The following LEMD3 variants were observed in gnomAD, a reference collection of about 807,000 sequenced individuals.
LEMD3 encodes the protein inner nuclear membrane protein Man1.
A neutral mutation model predicts 95.2 loss-of-function variants in LEMD3; 33 were observed. That is an observed-to-expected ratio of 0.35 (90% CI 0.26 to 0.46). LEMD3 has a LOEUF of 0.46. Ranked by LOEUF, LEMD3 falls within the 20% of genes least tolerant of loss-of-function variation. The pLI is 1.00. For synonymous variants in LEMD3, 525 were observed against 474.6 expected (o/e 1.11, Z -1.38); for missense variants, 1,210 against 1,192.8 (o/e 1.01, Z -0.21).
rs750409065 is a variant in LEMD3, at chr12:65,170,289, C to T, written c.693C>T (p.Asp231=). The T allele has an allele frequency of 3.2e-6, 5 of 1,575,708 alleles. No individual in the cohort carries two copies. Among genetic ancestry groups the T allele is most frequent in the South Asian group, 1.2e-5 (1 of 86,508 alleles). The change falls in exon 1 of 13, where the codon GAC becomes GAT. Residue 231 remains aspartate, a synonymous_variant. Coordinates refer to ENST00000308330, the MANE Select transcript of LEMD3 (RefSeq NM_014319.5). ...AGGGAGAGGACGGTGAGGAGAGGGA[C>T]CCGGAGACCGAGGAGCCGCTCTGGG... The part of the protein sequence containing the change: ...EGEGEDGEER[D]PETEEPLWAS...
chr12:65,172,440 G>A (rs942077876), intron 1 of LEMD3, among the ~76,000 whole-genome samples: 2 of 152,136 alleles, frequency 1.3e-5, no homozygotes, highest in African/African-American at 4.8e-5. Context: ...TCAAAATAAT[G>A]TAAGCTTAGA....
At chr12:65,172,730 C>CTT (rs201891713) in intron 1 of LEMD3, among the ~76,000 whole-genome samples, 22 of 139,324 alleles carry the variant, frequency 1.6e-4, no homozygotes, top group South Asian at 4.6e-4. Context: ...TTTTTCTTTT[C>CTT]TTTTTTTTTT....
rs61923519 is a variant in LEMD3 at position 65,194,845 on chromosome 12, T to C, written c.1523-16081T>C. ...TAGATTATAATTTATAAATTATAAT[T>C]TAGATTATAATTTATAAATTATAAT... On this transcript the variant is annotated intron_variant, in intron 1 of 12. Coordinates refer to ENST00000308330, the MANE Select transcript of LEMD3 (RefSeq NM_014319.5). Among the ~76,000 whole-genome samples, 818 of 146,572 alleles carry C rather than the reference T, an allele frequency of 5.6e-3. 10 individuals are homozygous for C. Among genetic ancestry groups the C allele is most frequent in the African/African-American group, 0.019 (764 of 39,382 alleles).
In LEMD3 at chr12:65,170,216, T is replaced by C. The variant is rs900032128; in HGVS notation, c.620T>C (p.Leu207Pro). 6 of 1,505,248 alleles carry C rather than the reference T, an allele frequency of 4.0e-6. No individual in the cohort carries two copies. The highest frequency in any genetic ancestry group is 5.3e-6 in the Non-Finnish European group (6 of 1,125,414). The allele number at this position is 1,505,248 out of a possible 1,614,324, so 93.2% of individuals were successfully genotyped here. ...WGARRPAGPE[L>P]QTPPGKDGAV... ...GCCAGGAGGCCGGCGGGCCCCGAGCTGCAGACCCCGCCGGGGAAAGATGGA... is the reference window on the plus strand; with the variant it reads ...GCCAGGAGGCCGGCGGGCCCCGAGCCGCAGACCCCGCCGGGGAAAGATGGA... The change falls in exon 1 of 13, where the codon CTG becomes CCG. Residue 207 changes from leucine (L) to proline (P), a missense_variant. Leu to Pro is a moderately conservative substitution (Grantham distance 98). Around this residue, in one of 2 missense-constraint regions of LEMD3, gnomAD observed 749 missense variants for 622.9 expected, o/e 1.20. Coordinates refer to ENST00000308330, the MANE Select transcript of LEMD3 (RefSeq NM_014319.5).
At chr12:65,201,550 C>T (rs557132875) in intron 1 of LEMD3, among the ~76,000 whole-genome samples, 3 of 152,166 alleles carry the variant, frequency 2.0e-5, no homozygotes, top group Admixed American at 2.0e-4. Flanking sequence ...TGGGAGGATG[C>T]TAATGTAAAT....
At position 65,240,917 on chromosome 12, in the gene LEMD3, T is replaced by A; in HGVS notation, c.2135T>A (p.Met712Lys). ...TTTTGTTCACATGATAGGAAAAAAA[T>A]GAAGAAAGTCTGGGATAGAGCTGTT... ...SLIQPHDRKK[M>K]KKVWDRAVDF... Residue 712 changes from methionine (M) to lysine (K), a missense_variant, in exon 9 of 13, where the codon ATG (methionine) becomes AAG (lysine). This residue lies in a region of LEMD3 where 461 missense variants were observed against 569.8 expected (regional missense o/e 0.81). Coordinates refer to ENST00000308330, the MANE Select transcript of LEMD3 (RefSeq NM_014319.5). The A allele has an allele frequency of 6.2e-7, 1 of 1,613,964 alleles. No individual in the cohort carries two copies.
chr12:65,217,047 C>T (rs1870131924), intron 3 of LEMD3, among the ~76,000 whole-genome samples: 1 of 152,196 alleles, frequency 6.6e-6, no homozygotes, highest in South Asian at 2.1e-4. Context: ...GCTTCTACAG[C>T]TATCTCTGTA....
At chr12:65,199,662 A>G (rs1032652559) in intron 1 of LEMD3, among the ~76,000 whole-genome samples, 6 of 152,120 alleles carry the variant, frequency 3.9e-5, no homozygotes, top group African/African-American at 9.7e-5. Context: ...AAGAGAGGGA[A>G]CTTTTCTTTT....
At chr12:65,191,526 A>C (rs188595785) in intron 1 of LEMD3, among the ~76,000 whole-genome samples, 133 of 152,256 alleles carry the variant, frequency 8.7e-4, no homozygotes, top group Non-Finnish European at 1.6e-3. Flanking sequence ...TGTAAATTTA[A>C]CATACTGAAT....
chr12:65,224,101 T>C (rs898677260), intron 4 of LEMD3, among the ~76,000 whole-genome samples: 4 of 152,312 alleles, frequency 2.6e-5, no homozygotes, highest in African/African-American at 9.6e-5. Flanking sequence ...TTTTATACTT[T>C]TGTCTTTTAA....
intron 1 of LEMD3, among the ~76,000 whole-genome samples, chr12:65,177,236 G>C (rs1868750164): frequency 6.6e-6 from 1 of 152,196 alleles, no homozygotes; most frequent in African/African-American, 2.4e-5. Flanking sequence ...AGGATAAACA[G>C]GTGATGGTTT....
At chr12:65,214,301 T>TA (rs1355554995) in intron 2 of LEMD3, among the ~76,000 whole-genome samples, 1 of 152,222 alleles carries the variant, frequency 6.6e-6, no homozygotes, top group African/African-American at 2.4e-5. Flanking sequence ...AGCCTACTGT[T>TA]ACTTTTTGAT....
intron 4 of LEMD3, among the ~76,000 whole-genome samples, chr12:65,223,346 C>T (rs1269335569): frequency 6.8e-6 from 1 of 147,242 alleles, no homozygotes; most frequent in Admixed American, 6.8e-5. Context: ...GCCTGTCACC[C>T]ACGCTTGAGT....
chr12:65,175,301 C>T (rs921869757), intron 1 of LEMD3, among the ~76,000 whole-genome samples: 5 of 152,038 alleles, frequency 3.3e-5, no homozygotes, highest in Admixed American at 6.6e-5. Context: ...TCTCATTTTC[C>T]ACTAGTCCCT....
intron 1 of LEMD3, among the ~76,000 whole-genome samples, chr12:65,205,566 TTC>T (rs566595747): frequency 1.0e-3 from 152 of 152,268 alleles, no homozygotes; most frequent in African/African-American, 3.6e-3. Context: ...AGTATGTACT[TTC>T]TGTTATTTTT....
At chr12:65,193,166 C>A (rs12303749) in intron 1 of LEMD3, among the ~76,000 whole-genome samples, 14,061 of 152,058 alleles carry the variant, frequency 0.092, 721 homozygotes, top group East Asian at 0.15. Flanking sequence ...AGAAAGAATT[C>A]GACTGAGAGG....
chr12:65,240,491 C>T (rs1195850005), intron 8 of LEMD3: 2 of 483,338 alleles, frequency 4.1e-6, no homozygotes, highest in Admixed American at 3.7e-5. Flanking sequence ...TTGTTAGTCT[C>T]CATCTTATTT....
rs1269509936 is a variant in LEMD3 at position 65,169,968 on chromosome 12, C to A, written c.372C>A (p.Gly124=). ...AGAGCCTCCTGGGAGGGCCCGGGGG[C>A]GCCTCCGCCGCCCCCGCGGCTGGCA... ...GPESLLGGPG[G]ASAAPAAGSK... The change falls in exon 1 of 13, where the codon GGC becomes GGA. Residue 124 remains glycine, a synonymous_variant. Coordinates refer to ENST00000308330, the MANE Select transcript of LEMD3 (RefSeq NM_014319.5). The A allele has an allele frequency of 3.4e-6, 5 of 1,462,054 alleles. No homozygotes were observed. The highest frequency in any genetic ancestry group is 3.6e-6 in the Non-Finnish European group (4 of 1,117,880). 90.6% of individuals were successfully genotyped at this position (1,462,054 alleles called of 1,614,324 possible).
At chr12:65,207,220 A>G (rs1240012836) in intron 1 of LEMD3, among the ~76,000 whole-genome samples, 3 of 152,140 alleles carry the variant, frequency 2.0e-5, no homozygotes, top group East Asian at 1.9e-4. Flanking sequence ...AATCAAGACT[A>G]TAGTACTTTT....
Sources: allele counts gnomAD v4.1 joint callset (sites outside exome capture counted in the v4.1 genomes callset), GRCh38; gene constraint gnomAD v4.1.1; regional missense constraint gnomAD v4.1.1; transcripts MANE v1.5; gene names NCBI Gene and HGNC (gene_info 2026-07-23, HGNC 2026-07-21).